The following DYNC1I1 variants were observed in gnomAD, a reference collection of about 807,000 sequenced individuals.
The protein encoded by DYNC1I1 is dynein cytoplasmic 1 intermediate chain 1.
DYNC1I1 carries 43 observed loss-of-function variants against 86.6 expected under a neutral mutation model. The observed-to-expected ratio is 0.50, with a 90% CI of 0.39 to 0.64. DYNC1I1 has a LOEUF of 0.64. DYNC1I1 is among the 30% of genes least tolerant of loss of function. The pLI is 0.00. For missense variants in DYNC1I1, 604 were observed against 788.8 expected (o/e 0.77, Z 2.81); for synonymous variants, 262 against 283.7 (o/e 0.92, Z 0.77).
At chr7:95,967,542 C>T (rs1434370889) in intron 6 of DYNC1I1, among the ~76,000 whole-genome samples, 2 of 152,174 alleles carry the variant, frequency 1.3e-5, no homozygotes, top group East Asian at 3.8e-4. Flanking sequence ...CCAAATGCCA[C>T]CTCTCAGTAA....
rs186080947 is a variant in DYNC1I1 at position 95,944,099 on chromosome 7, T to G, written c.491-33413T>G. ...AGAGTGAATAGGCAACCTACAAAAT[T>G]GGAGAAAATTTTTGCAACCTACTCA... On this transcript the variant is annotated intron_variant, in intron 6 of 16. Transcript: ENST00000447467. Among the ~76,000 whole-genome samples the G allele has an allele frequency of 4.5e-3, 686 of 152,074 alleles. 5 individuals are homozygous for G. The highest frequency in any genetic ancestry group is 0.015 in the African/African-American group (641 of 41,488).
chr7:95,965,916 T>C (rs1032127543), intron 6 of DYNC1I1, among the ~76,000 whole-genome samples: 3 of 152,182 alleles, frequency 2.0e-5, no homozygotes, highest in Non-Finnish European at 2.9e-5. Flanking sequence ...AGGTTCCAAG[T>C]TGCTATCATG....
chr7:95,808,428 G>A, intron 2 of DYNC1I1, among the ~76,000 whole-genome samples: 1 of 152,048 alleles, frequency 6.6e-6, no homozygotes, highest in East Asian at 1.9e-4. Context: ...ACCACCCTTT[G>A]CTCTTTTGGA....
chr7:95,837,508 T>TC (rs1210032580), intron 5 of DYNC1I1: 1 of 152,718 alleles, frequency 6.5e-6, no homozygotes, highest in African/African-American at 2.4e-5. Flanking sequence ...AGTTCGAGCT[T>TC]CCCGGCTGCT....
At chr7:95,846,621 C>CTGTGTGTGTGTGTGTGTGTG (rs750813234) in intron 5 of DYNC1I1, among the ~76,000 whole-genome samples, 3 of 120,296 alleles carry the variant, frequency 2.5e-5, no homozygotes, top group Non-Finnish European at 5.2e-5. Context: ...TGATAAATCT[C>CTGTGTGTGTGTGTGTGTGTG]TCTCTCTGTG....
chr7:95,926,621 T>C, intron 6 of DYNC1I1, among the ~76,000 whole-genome samples: 1 of 152,194 alleles, frequency 6.6e-6, no homozygotes, highest in East Asian at 1.9e-4. Flanking sequence ...TTTCCGAAAC[T>C]GTTTTCAAAG....
intron 6 of DYNC1I1, among the ~76,000 whole-genome samples, chr7:95,920,052 G>A (rs561043212): frequency 6.6e-6 from 1 of 152,148 alleles, no homozygotes; most frequent in Non-Finnish European, 1.5e-5. Context: ...TGAAGTGTGG[G>A]GTTGTGCATA....
At chr7:96,110,043 C>G in exon 17 of DYNC1I1, 1 of 434,568 alleles carries the variant, frequency 2.3e-6, no homozygotes, top group South Asian at 1.6e-5. Flanking sequence ...CTATGTTGGC[C>G]TCCCAAAGTG....
intron 6 of DYNC1I1, among the ~76,000 whole-genome samples, chr7:95,930,085 TATCAAGAGCCAGCACA>T (rs1361677983): frequency 2.5e-4 from 38 of 152,216 alleles, no homozygotes; most frequent in Non-Finnish European, 4.6e-4. Flanking sequence ...TGGCTCCCCA[TATCAAGAGCCAGCACA>T]ATCTTTCAGA....
intron 16 of DYNC1I1, among the ~76,000 whole-genome samples, chr7:96,086,857 A>T (rs1195597096): frequency 6.6e-6 from 1 of 152,212 alleles, no homozygotes; most frequent in Admixed American, 6.5e-5. Context: ...AGAATGGCCT[A>T]CACAATATAT....
chr7:95,870,092 C>CTCT (rs760284766), intron 6 of DYNC1I1, 94 bp downstream of exon 6: 17 of 1,082,230 alleles, frequency 1.6e-5, no homozygotes, highest in Non-Finnish European at 2.2e-5. Flanking sequence ...ACCATAAGAG[C>CTCT]TCTTCATGGG....
At chr7:96,026,189 G>C (rs533158953) in intron 10 of DYNC1I1, among the ~76,000 whole-genome samples, 1 of 152,252 alleles carries the variant, frequency 6.6e-6, no homozygotes, top group South Asian at 2.1e-4. Context: ...GCATGAGCAT[G>C]TTCTCCATTG....
At chr7:96,075,259 T>C (rs997015219) in intron 14 of DYNC1I1, among the ~76,000 whole-genome samples, 1 of 152,278 alleles carries the variant, frequency 6.6e-6, no homozygotes. Context: ...GTGGAAGCAT[T>C]TGTATGCACT....
At chr7:95,836,601 A>T (rs1351304055) in intron 5 of DYNC1I1, among the ~76,000 whole-genome samples, 3 of 152,076 alleles carry the variant, frequency 2.0e-5, no homozygotes, top group African/African-American at 7.2e-5. Context: ...ACCTTCAGGT[A>T]CACCAGTCAG....
chr7:96,016,057 A>G (rs531459918), intron 10 of DYNC1I1, among the ~76,000 whole-genome samples: 1 of 152,066 alleles, frequency 6.6e-6, no homozygotes. Flanking sequence ...CTTCACTAAG[A>G]CTGTTTCTAC....
At chr7:96,098,554 C>A, downstream of DYNC1I1, 1 of 517,738 alleles carries the variant, frequency 1.9e-6, no homozygotes, top group Non-Finnish European at 2.5e-6. Flanking sequence ...AGCAGCCAAC[C>A]TGGCTGGACT....
intron 6 of DYNC1I1, among the ~76,000 whole-genome samples, chr7:95,935,248 A>G (rs975166377): frequency 5.3e-5 from 8 of 152,032 alleles, no homozygotes; most frequent in Admixed American, 5.2e-4. Flanking sequence ...TGTGACTGGT[A>G]TATTTCACTT....
intron 5 of DYNC1I1, among the ~76,000 whole-genome samples, chr7:95,846,934 G>T (rs1410938967): frequency 6.6e-6 from 1 of 152,046 alleles, no homozygotes; most frequent in Non-Finnish European, 1.5e-5. Context: ...TGACTCCATT[G>T]GGTGGCTCCC....
intron 6 of DYNC1I1, among the ~76,000 whole-genome samples, chr7:95,929,509 T>C (rs566361300): frequency 6.6e-6 from 1 of 152,286 alleles, no homozygotes; most frequent in South Asian, 2.1e-4. Flanking sequence ...TCATTAACAA[T>C]TGTGCTGGGG....
Sources: allele counts gnomAD v4.1 joint callset (sites outside exome capture counted in the v4.1 genomes callset), GRCh38; gene constraint gnomAD v4.1.1; transcripts MANE v1.5; gene names NCBI Gene and HGNC (gene_info 2026-07-23, HGNC 2026-07-21).